The following ATAD3B variants were observed in gnomAD, a reference collection of about 807,000 sequenced individuals.
ATAD3B encodes ATPase family AAA domain containing 3B.
Under a neutral mutation model 70.2 loss-of-function variants are expected in ATAD3B, and 59 were observed. That is an observed-to-expected ratio of 0.84 (90% CI 0.68 to 1.04). ATAD3B has a LOEUF of 1.04. ATAD3B is among the 50% of genes least tolerant of loss of function. ATAD3B has a pLI of 0.00. For synonymous variants in ATAD3B, 423 were observed against 388.6 expected (o/e 1.09, Z -1.04); for missense variants, 961 against 913.4 (o/e 1.05, Z -0.67).
At chr1:1,503,522 G>A in the ATAD3B span, 1 of 1,531,346 alleles carries the variant, frequency 6.5e-7, no homozygotes, top group Non-Finnish European at 8.9e-7. Context: ...TGGCTGGTGT[G>A]GTGCCTGCCC....
intron 1 of ATAD3B, among the ~76,000 whole-genome samples, 173 bp from the exon 2 acceptor site, chr1:1,477,101 C>T (rs1036945284): frequency 2.0e-5 from 3 of 152,016 alleles, no homozygotes; most frequent in East Asian, 3.9e-4. Context: ...CCTCTGCCTC[C>T]GGGGTTCAAG....
downstream of ATAD3B, among the ~76,000 whole-genome samples, chr1:1,498,742 G>A (rs1365667379): frequency 3.3e-5 from 5 of 151,136 alleles, no homozygotes; most frequent in Non-Finnish European, 5.9e-5. Flanking sequence ...TCACTCCGTC[G>A]CCCAGGCTGG....
At position 1,486,132 on chromosome 1, in the gene ATAD3B, G is replaced by A. The variant is rs202199929; in HGVS notation, c.986G>A (p.Arg329His). ...CAGCCCAGCCTGGAAGCACGGGTGC[G>A]CGACATCGCCATAGCAACCAGGAAC... ...VLSPSLEARV[R>H]DIAIATRNTK... The change falls in exon 10 of 16, where the codon CGC (arginine) becomes CAC (histidine). Residue 329 changes from arginine to histidine, a missense_variant. Physicochemically the swap from Arg to His is conservative, Grantham distance 29. Coordinates refer to ENST00000673477, the MANE Select transcript of ATAD3B (RefSeq NM_031921.6). 49 of 1,613,064 alleles carry A rather than the reference G, an allele frequency of 3.0e-5. 1 individual carries two copies. The highest frequency in any genetic ancestry group is 3.9e-5 in the Non-Finnish European group (46 of 1,179,662).
In ATAD3B at chr1:1,482,759, G is replaced by C. The variant is rs3961781; in HGVS notation, c.750+145G>C. On this transcript the variant is annotated intron_variant, in intron 7 of 15. Coordinates refer to ENST00000673477, the MANE Select transcript of ATAD3B (RefSeq NM_031921.6). ...AGCAAACCCACGTTGTACCTGCTGG[G>C]CTCGGCTGCTCCTCCCTCCTTGAGC... The C allele has an allele frequency of 2.1e-3, 2,761 of 1,326,280 alleles. 36 individuals carry two copies. Among genetic ancestry groups the C allele is most frequent in the Non-Finnish European group, 2.7e-3 (2,552 of 952,480 alleles). The allele number at this position is 1,326,280 out of a possible 1,614,324, so 82.2% of individuals were successfully genotyped here. A position where few individuals can be genotyped will look rare whatever the true frequency, so the allele number is the denominator to read the frequency against.
chr1:1,485,815 G>A lies in ATAD3B; in HGVS notation c.940G>A (p.Val314Met), dbSNP rs141667597. Residue 314 changes from valine to methionine, a missense_variant, in exon 9 of 16, where the codon GTG becomes ATG. Val to Met is a conservative substitution (Grantham distance 21). Around this residue, in one of 4 missense-constraint regions of ATAD3B, gnomAD observed 349 missense variants for 307.5 expected, o/e 1.14. Transcript: ENST00000673477. Reference protein sequence around the residue: ...SRRLLSRPQDVLEGVVLSPSL... With the variant: ...SRRLLSRPQDMLEGVVLSPSL... ...GCGGCTCCTCAGTCGACCCCAGGAC[G>A]TGCTGGAGGGTGTTGTGCTTAGTGT... 1.8e-4 allele frequency: 294 copies of A among 1,613,078 alleles called. 6 individuals are homozygous for A. The highest frequency in any genetic ancestry group is 2.1e-4 in the Non-Finnish European group (251 of 1,179,464).
chr1:1,496,126 G>A lies in ATAD3B; in HGVS notation c.*309G>A, dbSNP rs369470496. 4.7e-5 allele frequency: 53 copies of A among 1,135,446 alleles called. No homozygotes were observed. Among genetic ancestry groups the A allele is most frequent in the African/African-American group, 1.1e-4 (7 of 62,944 alleles). The allele number at this position is 1,135,446 out of a possible 1,614,324, so 70.3% of individuals were successfully genotyped here. A position where few individuals can be genotyped will look rare whatever the true frequency, so the allele number is the denominator to read the frequency against. ...GAACCCGGCAGGGGTGTCTGAGGCCGCCCTGTCAGCTGGCCGGTCCAAGCC... is the reference window on the plus strand; with the variant it reads ...GAACCCGGCAGGGGTGTCTGAGGCCACCCTGTCAGCTGGCCGGTCCAAGCC... On this transcript the variant is annotated 3_prime_UTR_variant, in exon 16 of 16. Transcript: ENST00000673477.
At chr1:1,499,826 T>A (rs923852588), downstream of ATAD3B, among the ~76,000 whole-genome samples, 2 of 150,800 alleles carry the variant, frequency 1.3e-5, no homozygotes, top group Admixed American at 1.3e-4. Context: ...ACTCCCGACG[T>A]CAGGTGATCC....
rs1392465649 is a variant in ATAD3B at position 1,485,012 on chromosome 1, G to T, written c.751-4G>T. 3.1e-6 allele frequency: 5 copies of T among 1,600,542 alleles called. No homozygotes were observed. In the African/African-American group the frequency reaches 6.7e-5, roughly 21 times the overall value. ...GGTGCGCCAGTGCGGTGTCTCTGCT[G>T]CAGGTGGCTGGGCTGACGCTGCTGG... On this transcript the variant is annotated splice_region_variant and splice_polypyrimidine_tract_variant and intron_variant, in intron 7 of 15. Coordinates refer to ENST00000673477, the MANE Select transcript of ATAD3B (RefSeq NM_031921.6).
At position 1,490,273 on chromosome 1, in the gene ATAD3B, G is replaced by T; in HGVS notation, c.1354G>T (p.Ala452Ser). ...GTCCTACAGATTCATGCTGGTCCTG[G>T]CCAGCAATCTGCCTGAGCAGTTCGA... Reference protein sequence around the residue: ...QHSNKFMLVLASNLPEQFDCA... With the variant: ...QHSNKFMLVLSSNLPEQFDCA... The change falls in exon 14 of 16, where the codon GCC becomes TCC. Residue 452 changes from alanine to serine, a missense_variant. Transcript: ENST00000673477. 6.2e-7 allele frequency: 1 copy of T among 1,612,798 alleles called. No homozygotes were observed. The highest frequency in any genetic ancestry group is 8.5e-7 in the Non-Finnish European group (1 of 1,179,496).
rs777093904 is a variant in ATAD3B, at chr1:1,495,778, C to G, written c.1908C>G (p.Gly636=). 141 of 1,602,118 alleles carry G rather than the reference C, an allele frequency of 8.8e-5. 1 individual carries two copies. The highest frequency in any genetic ancestry group is 2.0e-4 in the Middle Eastern group (1 of 5,010). The change falls in exon 16 of 16, where the codon GGC becomes GGG. Residue 636 remains glycine (G), a synonymous_variant. Coordinates refer to ENST00000673477, the MANE Select transcript of ATAD3B (RefSeq NM_031921.6). The part of the protein sequence containing the change: ...GPLSPRMSCG[G]GRPFCPPGHP... ...TGTCCCCCAGGATGTCTTGTGGTGG[C>G]GGTCGGCCGTTCTGCCCCCCAGGGC...
At chr1:1,490,876 G>C (rs1262217918) in intron 15 of ATAD3B, among the ~76,000 whole-genome samples, 1 of 152,058 alleles carries the variant, frequency 6.6e-6, no homozygotes, top group Non-Finnish European at 1.5e-5. Context: ...CAGGAGGGTG[G>C]GGCCATGTTG....
chr1:1,479,568 A>G (rs1639790636), intron 4 of ATAD3B, among the ~76,000 whole-genome samples: 1 of 142,168 alleles, frequency 7.0e-6, no homozygotes, highest in African/African-American at 2.7e-5. Context: ...CCCCGCCACA[A>G]CACAGGCACA....
At chr1:1,486,818 G>C in intron 11 of ATAD3B, 150 bp downstream of exon 11, 1 of 1,471,550 alleles carries the variant, frequency 6.8e-7, no homozygotes, top group Non-Finnish European at 9.0e-7. Flanking sequence ...GGGTCCCTCG[G>C]AGGGAAAGTC....
chr1:1,480,737 C>T lies in ATAD3B; in HGVS notation c.445-130C>T, dbSNP rs113958415. 5.9e-3 allele frequency: 8,755 copies of T among 1,491,484 alleles called. 1,244 individuals carry two copies. The African/African-American group carries it at 0.11, about 19-fold the overall frequency. 92.4% of individuals were successfully genotyped at this position (1,491,484 alleles called of 1,614,324 possible). A position where few individuals can be genotyped will look rare whatever the true frequency, so the allele number is the denominator to read the frequency against. ...CACCCGTGTCTGTGTCAGGGTGCGGCGTCTGCAGGTCCCCAGGTGCCCAGG... is the reference window on the plus strand; with the variant it reads ...CACCCGTGTCTGTGTCAGGGTGCGGTGTCTGCAGGTCCCCAGGTGCCCAGG... On this transcript the variant is annotated intron_variant, in intron 4 of 15. Coordinates refer to ENST00000673477, the MANE Select transcript of ATAD3B (RefSeq NM_031921.6).
At position 1,486,003 on chromosome 1, in the gene ATAD3B, C is replaced by T. The variant is rs111989901; in HGVS notation, c.964-107C>T. 1.1e-4 allele frequency: 182 copies of T among 1,591,558 alleles called. 1 individual carries two copies. In the African/African-American group the frequency reaches 1.9e-3, roughly 17 times the overall value. ...ATAGATAGGCTGCCCACGAGCTGGG[C>T]GGCTTCCTGAGGAGCAGAGTCCGCA... is the stretch of plus-strand genomic sequence containing the variant. On this transcript the variant is annotated intron_variant, in intron 9 of 15. Transcript: ENST00000673477.
At chr1:1,482,661 A>G (rs770370107) in intron 7 of ATAD3B, 47 bp downstream of exon 7, 2 of 1,612,218 alleles carry the variant, frequency 1.2e-6, no homozygotes, top group South Asian at 2.2e-5. Flanking sequence ...GAGAGGCAGC[A>G]TGTGGGGGCC....
chr1:1,503,749 C>T, the ATAD3B span: 4 of 1,566,192 alleles, frequency 2.6e-6, no homozygotes, highest in African/African-American at 1.4e-5. Flanking sequence ...GTGGGTAGGG[C>T]TGGTGGCATG....
chr1:1,481,877 G>T (rs1300278284), intron 5 of ATAD3B, among the ~76,000 whole-genome samples: 1 of 152,164 alleles, frequency 6.6e-6, no homozygotes, highest in Non-Finnish European at 1.5e-5. Flanking sequence ...CGTGGAGTGG[G>T]TCGGTCCATG....
Position 1,490,327 on chromosome 1 carries a change from A to C in ATAD3B, c.1408A>C (p.Met470Leu). ...TGCCATCAACAGCCGCATTGACGTGATGGTCCACTTCGACCTGCCGCAGCA... is the reference window on the plus strand; with the variant it reads ...TGCCATCAACAGCCGCATTGACGTGCTGGTCCACTTCGACCTGCCGCAGCA... ...DCAINSRIDV[M>L]VHFDLPQQEE... The change falls in exon 14 of 16, where the codon ATG (methionine) becomes CTG (leucine). Residue 470 changes from methionine (M) to leucine (L), a missense_variant. Met to Leu is a conservative substitution (Grantham distance 15). This residue lies in a region of ATAD3B where 417 missense variants were observed against 335.0 expected (regional missense o/e 1.24). Coordinates refer to ENST00000673477, the MANE Select transcript of ATAD3B (RefSeq NM_031921.6). 1 of 1,613,226 alleles carries C rather than the reference A, an allele frequency of 6.2e-7. No homozygotes were observed. Among genetic ancestry groups the C allele is most frequent in the African/African-American group, 1.3e-5 (1 of 75,036 alleles).
Sources: allele counts gnomAD v4.1 joint callset (sites outside exome capture counted in the v4.1 genomes callset), GRCh38; gene constraint gnomAD v4.1.1; regional missense constraint gnomAD v4.1.1; transcripts MANE v1.5; gene names NCBI Gene and HGNC (gene_info 2026-07-23, HGNC 2026-07-21).